F8: variants seen among roughly 807,000 people sequenced by gnomAD.
F8 encodes the protein antihemophilic factor.
Under a neutral mutation model 140.6 loss-of-function variants are expected in F8, and 12 were observed. The ratio of observed to expected loss-of-function variants is 0.09; its 90% CI spans 0.05 to 0.14. The LOEUF (loss-of-function observed/expected upper bound fraction) is 0.14, where lower values mean the gene tolerates loss of function less well. Ranked by LOEUF, F8 falls within the 10% of genes least tolerant of loss-of-function variation. The probability of loss-of-function intolerance (pLI) is 1.00; values close to 1 mark genes in which losing one functional copy is unlikely to be tolerated. For synonymous variants in F8, 585 were observed against 614.6 expected, an observed-to-expected ratio of 0.95 and a Z score of 0.71; for missense variants, 1,354 against 1,720.7, an observed-to-expected ratio of 0.79 and a Z score of 3.77.
chrX:154,890,235 C>T (rs1470166233), intron 22 of F8, among the ~76,000 whole-genome samples: 6 of 106,216 alleles, frequency 5.6e-5, no homozygotes, highest in African/African-American at 1.0e-4. Flanking sequence ...ACTCACAGTC[C>T]GTACAAAAGC....
intron 13 of F8, among the ~76,000 whole-genome samples, chrX:154,932,946 A>C (rs2073205823): frequency 9.0e-6 from 1 of 111,414 alleles, no homozygotes; most frequent in Non-Finnish European, 1.9e-5. Context: ...CATTATAAGA[A>C]AAACAGGGAA....
chrX:154,909,036 C>A, intron 14 of F8: 1 of 228,120 alleles, frequency 4.4e-6, no homozygotes, highest in South Asian at 6.2e-5. Flanking sequence ...CTTCCGTTGG[C>A]GAGTCATTTT....
At chrX:155,017,060 GA>G (rs2073737855) in intron 1 of F8, among the ~76,000 whole-genome samples, 1 of 112,334 alleles carries the variant, frequency 8.9e-6, no homozygotes, top group Admixed American at 9.4e-5. Flanking sequence ...GTAATCACAT[GA>G]GTCCTTAAAA....
intron 25 of F8, among the ~76,000 whole-genome samples, chrX:154,858,031 C>T (rs934332153): frequency 1.2e-4 from 13 of 111,618 alleles, no homozygotes; most frequent in African/African-American, 4.2e-4. Flanking sequence ...CCCAGCTACT[C>T]GGGAGGCTGA....
intron 3 of F8, among the ~76,000 whole-genome samples, chrX:154,993,657 G>A (rs1457546015): frequency 4.5e-5 from 5 of 112,327 alleles, no homozygotes; most frequent in African/African-American, 1.6e-4. Flanking sequence ...AGCATGAGCA[G>A]TAAAAACTAG....
At chrX:154,942,916 C>T (rs1258348368) in intron 13 of F8, among the ~76,000 whole-genome samples, 2 of 108,020 alleles carry the variant, frequency 1.9e-5, no homozygotes, top group African/African-American at 6.8e-5. Flanking sequence ...AAGACAAAAA[C>T]CACATGATTA....
intron 1 of F8, among the ~76,000 whole-genome samples, chrX:155,020,279 G>A (rs957191546): frequency 8.9e-6 from 1 of 112,110 alleles, no homozygotes; most frequent in African/African-American, 3.2e-5. Flanking sequence ...TCAAATCAGT[G>A]GCAAAAGGTG....
intron 25 of F8, among the ~76,000 whole-genome samples, chrX:154,857,288 C>T (rs1379471903): frequency 8.9e-6 from 1 of 111,834 alleles, no homozygotes; most frequent in Non-Finnish European, 1.9e-5. Flanking sequence ...TGAACAATGG[C>T]ACTCCATCAT....
At chrX:154,852,235 A>AT (rs368258149) in intron 25 of F8, among the ~76,000 whole-genome samples, 110 of 108,490 alleles carry the variant, frequency 1.0e-3, no homozygotes, top group African/African-American at 2.0e-3. Flanking sequence ...ATGCCAGCTA[A>AT]TTTTTTTTTC....
chrX:154,930,101 A>G lies in F8; in HGVS notation c.3689T>C (p.Leu1230Ser). 8.3e-7 allele frequency: 1 copy of G among 1,211,089 alleles called. No individual in the cohort carries two copies. Among genetic ancestry groups the G allele is most frequent in the East Asian group, 3.0e-5 (1 of 33,857 alleles). ...GCCAGTCACTGTATGTATCTGAGGC[A>G]AAACTACATTCTCTTGGATTAATGT... ...KETLIQENVV[L>S]PQIHTVTGTK... The change falls in exon 14 of 26, where the codon TTG becomes TCG. Residue 1230 changes from leucine to serine, a missense_variant. By Grantham distance (145) the Leu-to-Ser change is moderately radical. Coordinates refer to ENST00000360256, the MANE Select transcript of F8 (RefSeq NM_000132.4).
rs2073613837 is a variant in F8 at position 154,995,826 on chromosome X, G to C, written c.388+1147C>G. On this transcript the variant is annotated intron_variant, in intron 3 of 25. Coordinates refer to ENST00000360256, the MANE Select transcript of F8 (RefSeq NM_000132.4). ...TTTTGTACTTAACCTTTGAAATCTG[G>C]TGTATATTTTACAGTATGTCTCAAG... Among the ~76,000 whole-genome samples the C allele has an allele frequency of 2.7e-5, 3 of 111,204 alleles. No individual in the cohort carries two copies. The South Asian group carries it at 1.1e-3, about 42-fold the overall frequency.
chrX:154,922,923 A>G (rs2073139599), intron 14 of F8, among the ~76,000 whole-genome samples: 2 of 112,103 alleles, frequency 1.8e-5, no homozygotes, highest in South Asian at 7.5e-4. Context: ...AACAGTGATC[A>G]GAATTGCAAT....
intron 14 of F8, among the ~76,000 whole-genome samples, chrX:154,920,538 A>AC (rs1241698530): frequency 2.8e-5 from 3 of 108,827 alleles, no homozygotes; most frequent in African/African-American, 6.7e-5. Context: ...TGTAGCCTTG[A>AC]CCCCCCCAGG....
At chrX:154,879,983 C>T (rs1034703106) in intron 22 of F8, among the ~76,000 whole-genome samples, 3 of 111,969 alleles carry the variant, frequency 2.7e-5, no homozygotes, top group Admixed American at 9.4e-5. Context: ...CATTAAACCT[C>T]TTTTCTTCAT....
chrX:154,878,669 C>G (rs2072837501), intron 22 of F8, among the ~76,000 whole-genome samples: 1 of 110,973 alleles, frequency 9.0e-6, no homozygotes, highest in East Asian at 2.8e-4. Flanking sequence ...AAAAGGCATC[C>G]AAATTGAAAA....
intron 13 of F8, among the ~76,000 whole-genome samples, chrX:154,932,900 G>A (rs1292616978): frequency 9.1e-6 from 1 of 110,478 alleles, no homozygotes; most frequent in Non-Finnish European, 1.9e-5. Context: ...TTATATGATG[G>A]AACTCTTGAA....
intron 14 of F8, among the ~76,000 whole-genome samples, chrX:154,913,257 GT>G (rs1190189179): frequency 9.0e-6 from 1 of 110,992 alleles, no homozygotes; most frequent in Non-Finnish European, 1.9e-5. Flanking sequence ...AGAAAGTATT[GT>G]TTTTTTTTAA....
chrX:154,987,158 T>A, intron 5 of F8, 79 bp downstream of exon 5: 1 of 806,813 alleles, frequency 1.2e-6, no homozygotes, highest in Non-Finnish European at 1.9e-6. Flanking sequence ...TAATTTATGA[T>A]CTTTCTATAA....
At chrX:154,982,318 G>C (rs1461229837) in intron 6 of F8, among the ~76,000 whole-genome samples, 1 of 104,722 alleles carries the variant, frequency 9.5e-6, no homozygotes, top group Non-Finnish European at 2.0e-5. Flanking sequence ...GAGGTGGCGG[G>C]CGCCTGTAGT....
Sources: gnomAD v4.1 joint callset for allele counts (sites outside exome capture counted in the v4.1 genomes callset) on GRCh38, gnomAD v4.1.1 for gene constraint, MANE v1.5 for transcripts, NCBI Gene and HGNC (gene_info 2026-07-23, HGNC 2026-07-21) for gene names.